Variants in RABGAP1L observed in about 807,000 individuals in gnomAD.
The protein encoded by RABGAP1L is rab GTPase-activating protein 1-like.
In RABGAP1L, 63 loss-of-function variants were observed where a neutral mutation model predicts 137.7. That is an observed-to-expected ratio of 0.46 (90% CI 0.37 to 0.56). The LOEUF (loss-of-function observed/expected upper bound fraction) is 0.56, where lower values mean the gene tolerates loss of function less well. Ranked by LOEUF, RABGAP1L falls within the 20% of genes least tolerant of loss-of-function variation. The pLI is 0.00. For synonymous variants in RABGAP1L, 431 were observed against 433.7 expected (o/e 0.99, Z 0.08); for missense variants, 1,095 against 1,244.0 (o/e 0.88, Z 1.80).
At chr1:174,175,914 C>T (rs181806038) in intron 1 of RABGAP1L, among the ~76,000 whole-genome samples, 154 of 152,210 alleles carry the variant, frequency 1.0e-3, no homozygotes, top group Non-Finnish European at 2.0e-3. Context: ...CATGAGCCAC[C>T]GTGCCCAGCC....
intron 18 of RABGAP1L, among the ~76,000 whole-genome samples, chr1:174,777,720 A>G (rs144698745): frequency 2.9e-3 from 449 of 152,360 alleles, no homozygotes; most frequent in Middle Eastern, 0.027. Context: ...AAACTTTAAG[A>G]GATAAAAATT....
intron 19 of RABGAP1L, among the ~76,000 whole-genome samples, chr1:174,881,310 A>T (rs1270698253): frequency 7.9e-5 from 12 of 152,154 alleles, no homozygotes; most frequent in Middle Eastern, 3.4e-3. Context: ...AGAAACACAT[A>T]ATATTGTTTT....
chr1:174,944,473 A>G (rs1666419719), intron 19 of RABGAP1L, among the ~76,000 whole-genome samples: 1 of 151,370 alleles, frequency 6.6e-6, no homozygotes, highest in Non-Finnish European at 1.5e-5. Flanking sequence ...GTGAAACCCC[A>G]CCTCTACAAA....
At chr1:174,673,206 T>G (rs1677318492) in intron 14 of RABGAP1L, among the ~76,000 whole-genome samples, 1 of 152,160 alleles carries the variant, frequency 6.6e-6, no homozygotes, top group South Asian at 2.1e-4. Flanking sequence ...AAAAGGATAC[T>G]AATTGATCTT....
chr1:174,590,554 A>T (rs1234531683), intron 13 of RABGAP1L, among the ~76,000 whole-genome samples: 3 of 91,300 alleles, frequency 3.3e-5, no homozygotes, highest in South Asian at 4.5e-4. Flanking sequence ...CCTGTGTCCA[A>T]GTGATCTCAT....
intron 1 of RABGAP1L, among the ~76,000 whole-genome samples, chr1:174,184,889 CA>C (rs1455963600): frequency 2.0e-5 from 3 of 152,108 alleles, no homozygotes; most frequent in Non-Finnish European, 4.4e-5. Context: ...TCCTAGTAGC[CA>C]AAGGTAATTA....
chr1:174,230,195 T>A (rs937305821), intron 3 of RABGAP1L, among the ~76,000 whole-genome samples: 2 of 137,698 alleles, frequency 1.5e-5, no homozygotes, highest in African/African-American at 2.8e-5. Flanking sequence ...GGAATTGAAC[T>A]ATGAGAACAC....
At chr1:174,611,923 C>T (rs1239910249) in intron 13 of RABGAP1L, among the ~76,000 whole-genome samples, 1 of 152,190 alleles carries the variant, frequency 6.6e-6, no homozygotes, top group Non-Finnish European at 1.5e-5. Flanking sequence ...TGAGACTTTG[C>T]TGAAGTTGCT....
intron 13 of RABGAP1L, among the ~76,000 whole-genome samples, chr1:174,428,223 C>G (rs1366116284): frequency 6.6e-6 from 1 of 152,130 alleles, no homozygotes; most frequent in Non-Finnish European, 1.5e-5. Flanking sequence ...AACAAACATG[C>G]ACTGAGTACG....
At chr1:174,910,477 G>A (rs76523303) in intron 19 of RABGAP1L, among the ~76,000 whole-genome samples, 3,207 of 152,214 alleles carry the variant, frequency 0.021, 51 homozygotes, top group Middle Eastern at 0.078. Context: ...AAAAGTTGAA[G>A]CCTTTCCTCC....
At position 174,341,796 on chromosome 1, in the gene RABGAP1L, A is replaced by G. The variant is rs1681996454; in HGVS notation, c.1466-29183A>G. ...TGTTTTGCTTAATGAAATGTGTTTC[A>G]AAAGGAGAGAAATCTTACATATCTA... On this transcript the variant is annotated intron_variant, in intron 11 of 25. Coordinates refer to ENST00000681986, the MANE Select transcript of RABGAP1L (RefSeq NM_001366446.1). 2.0e-5 allele frequency among the ~76,000 whole-genome samples: 3 copies of G among 152,152 alleles called. No homozygotes were observed. The South Asian group carries it at 6.2e-4, about 31-fold the overall frequency.
intron 13 of RABGAP1L, among the ~76,000 whole-genome samples, chr1:174,544,095 G>T (rs928241199): frequency 4.6e-5 from 7 of 152,182 alleles, no homozygotes; most frequent in South Asian, 2.1e-4. Flanking sequence ...TTCTCGAGGA[G>T]TATCTTTGTG....
intron 19 of RABGAP1L, among the ~76,000 whole-genome samples, chr1:174,929,391 G>A (rs1449075548): frequency 6.6e-6 from 1 of 152,062 alleles, no homozygotes; most frequent in East Asian, 1.9e-4. Context: ...TTGAAGGATT[G>A]TATTCCTCAG....
chr1:174,327,982 C>CATATATATATATATATAT (rs1558136090), intron 11 of RABGAP1L, among the ~76,000 whole-genome samples: 5 of 24,758 alleles, frequency 2.0e-4, no homozygotes, highest in African/African-American at 7.5e-4. Context: ...TATATATACA[C>CATATATATATATATATAT]ACACATATAT....
chr1:174,725,886 G>C (rs779182629), intron 17 of RABGAP1L, among the ~76,000 whole-genome samples: 1 of 152,116 alleles, frequency 6.6e-6, no homozygotes, highest in Non-Finnish European at 1.5e-5. Flanking sequence ...TAAATGACGA[G>C]TTAATGGGTG....
intron 19 of RABGAP1L, among the ~76,000 whole-genome samples, chr1:174,920,957 C>G (rs1197851291): frequency 1.3e-5 from 2 of 152,068 alleles, no homozygotes; most frequent in Non-Finnish European, 2.9e-5. Context: ...GAGTCTTGCT[C>G]TGTCGCCCAG....
At chr1:174,429,456 G>A (rs1459420471) in intron 13 of RABGAP1L, among the ~76,000 whole-genome samples, 1 of 152,016 alleles carries the variant, frequency 6.6e-6, no homozygotes, top group Non-Finnish European at 1.5e-5. Context: ...ATAAACCAAT[G>A]GAGGGCCGGG....
At chr1:174,333,675 C>G (rs916244064) in intron 11 of RABGAP1L, among the ~76,000 whole-genome samples, 1 of 152,316 alleles carries the variant, frequency 6.6e-6, no homozygotes, top group South Asian at 2.1e-4. Flanking sequence ...GCCCCTGAGG[C>G]TGCTCCCACT....
chr1:174,548,458 A>G (rs1202920267), intron 13 of RABGAP1L: 6 of 928,638 alleles, frequency 6.5e-6, no homozygotes, highest in Non-Finnish European at 7.7e-6. Context: ...ATCATATTAT[A>G]TGCCTAAGAT....
Sources: allele counts gnomAD v4.1 joint callset (sites outside exome capture counted in the v4.1 genomes callset), GRCh38; gene constraint gnomAD v4.1.1; transcripts MANE v1.5; gene names NCBI Gene and HGNC (gene_info 2026-07-23, HGNC 2026-07-21).